Variants in LOC122539214 observed in about 807,000 individuals in gnomAD.
chr19:52,687,884 A>G, the LOC122539214 span, among the ~76,000 whole-genome samples: 1 of 151,242 alleles, frequency 6.6e-6, no homozygotes, highest in Non-Finnish European at 1.5e-5. Context: ...TTTTTGTTGC[A>G]CTTCACTGCC....
At chr19:52,686,014 A>G in the LOC122539214 span, among the ~76,000 whole-genome samples, 4 of 152,148 alleles carry the variant, frequency 2.6e-5, no homozygotes, top group South Asian at 6.2e-4. Context: ...CTTGAGGGAA[A>G]CATGAACTTA....
the LOC122539214 span, among the ~76,000 whole-genome samples, chr19:52,669,768 C>A: frequency 6.6e-6 from 1 of 152,162 alleles, no homozygotes; most frequent in Non-Finnish European, 1.5e-5. Context: ...TGTACTTATT[C>A]TTGTCAGGTG....
chr19:52,678,801 C>T, the LOC122539214 span, among the ~76,000 whole-genome samples: 2 of 151,914 alleles, frequency 1.3e-5, no homozygotes, highest in East Asian at 1.9e-4. Flanking sequence ...TAGTGAAAAC[C>T]TGTCTCTACT....
chr19:52,672,255 A>C, the LOC122539214 span, among the ~76,000 whole-genome samples: 4 of 152,180 alleles, frequency 2.6e-5, no homozygotes, highest in Non-Finnish European at 5.9e-5. Flanking sequence ...AATAAAAATA[A>C]AATGAAATTA....
the LOC122539214 span, among the ~76,000 whole-genome samples, chr19:52,681,991 G>A: frequency 5.3e-4 from 81 of 152,210 alleles, 1 homozygote; most frequent in Non-Finnish European, 8.7e-4. Flanking sequence ...GGGATTACAG[G>A]CACCTGCCAC....
chr19:52,663,960 C>T, the LOC122539214 span, among the ~76,000 whole-genome samples: 1 of 152,198 alleles, frequency 6.6e-6, no homozygotes, highest in Non-Finnish European at 1.5e-5. Flanking sequence ...GATCTCGGCT[C>T]ACTGCAACCT....
the LOC122539214 span, among the ~76,000 whole-genome samples, chr19:52,660,293 A>G: frequency 3.3e-5 from 5 of 152,190 alleles, no homozygotes; most frequent in Non-Finnish European, 7.3e-5. Flanking sequence ...TCAGTTTTCA[A>G]TGCCCCAACT....
the LOC122539214 span, among the ~76,000 whole-genome samples, chr19:52,677,618 G>GT: frequency 6.6e-6 from 1 of 152,114 alleles, no homozygotes. Context: ...AATCCCCCTT[G>GT]TAGATTGCAG....
At chr19:52,680,650 T>C in the LOC122539214 span, among the ~76,000 whole-genome samples, 6 of 132,016 alleles carry the variant, frequency 4.5e-5, no homozygotes, top group African/African-American at 1.6e-4. Context: ...TCTCGCTCTG[T>C]CGCCCAGGCT....
the LOC122539214 span, among the ~76,000 whole-genome samples, chr19:52,671,888 C>T: frequency 6.6e-6 from 1 of 152,288 alleles, no homozygotes; most frequent in East Asian, 1.9e-4. Flanking sequence ...ACTAAGAATA[C>T]ATTGCAGTCA....
chr19:52,680,959 T>C, the LOC122539214 span, among the ~76,000 whole-genome samples: 1 of 151,610 alleles, frequency 6.6e-6, no homozygotes, highest in East Asian at 2.0e-4. Flanking sequence ...ATGTCTCGGT[T>C]TTATGGACAA....
chr19:52,650,600 CTGTT>C, the LOC122539214 span: 2 of 152,164 alleles, frequency 1.3e-5, no homozygotes, highest in Non-Finnish European at 2.9e-5. Context: ...TCCCACTCCT[CTGTT>C]TGTTTTGTGC....
At chr19:52,664,135 T>G in the LOC122539214 span, among the ~76,000 whole-genome samples, 1 of 151,954 alleles carries the variant, frequency 6.6e-6, no homozygotes, top group African/African-American at 2.4e-5. Flanking sequence ...CCACCAGCCT[T>G]GGCCTCCAAA....
chr19:52,665,602 C>T, the LOC122539214 span, among the ~76,000 whole-genome samples: 23 of 152,154 alleles, frequency 1.5e-4, no homozygotes, highest in Non-Finnish European at 2.4e-4. Flanking sequence ...CATAAAGCAA[C>T]CTTTTTTAAT....
chr19:52,681,698 C>CG, the LOC122539214 span, among the ~76,000 whole-genome samples: 1 of 152,108 alleles, frequency 6.6e-6, no homozygotes, highest in African/African-American at 2.4e-5. Context: ...AATATAACCA[C>CG]CTAAGTAAAA....
the LOC122539214 span, chr19:52,652,441 GAA>G: frequency 5.2e-6 from 2 of 384,626 alleles, no homozygotes. Context: ...TCTGAAAAAA[GAA>G]AAAAAAATGA....
At chr19:52,672,792 G>A in the LOC122539214 span, among the ~76,000 whole-genome samples, 1 of 152,086 alleles carries the variant, frequency 6.6e-6, no homozygotes, top group East Asian at 1.9e-4. Context: ...TAGAGACGGG[G>A]TTTCACCGTG....
chr19:52,669,749 C>T, the LOC122539214 span, among the ~76,000 whole-genome samples: 3 of 152,140 alleles, frequency 2.0e-5, no homozygotes, highest in African/African-American at 7.2e-5. Context: ...CCCTCACAGC[C>T]GTAATGGGTG....
the LOC122539214 span, among the ~76,000 whole-genome samples, chr19:52,686,346 T>C: frequency 6.6e-6 from 1 of 151,822 alleles, no homozygotes; most frequent in Admixed American, 6.6e-5. Context: ...CAGAAAGGAA[T>C]GATGTGAGCT....
Sources: gnomAD v4.1 joint callset for allele counts (sites outside exome capture counted in the v4.1 genomes callset) on GRCh38, gnomAD v4.1.1 for gene constraint, MANE v1.5 for transcripts.